TRPC5: variants seen among roughly 807,000 people sequenced by gnomAD.
TRPC5 encodes the protein short transient receptor potential channel 5.
TRPC5 carries 9 observed loss-of-function variants against 56.5 expected under a neutral mutation model. That is an observed-to-expected ratio of 0.16 (90% confidence interval 0.10 to 0.28). The LOEUF (loss-of-function observed/expected upper bound fraction) is 0.28, where lower values mean the gene tolerates loss of function less well. Among genes scored for constraint, TRPC5 ranks in the 10% least tolerant of loss-of-function variants. The pLI is 1.00. For missense variants in TRPC5, 469 were observed against 748.9 expected, an observed-to-expected ratio of 0.63 and a Z score of 4.36; for synonymous variants, 282 against 278.5, an observed-to-expected ratio of 1.01 and a Z score of -0.13.
intron 1 of TRPC5, among the ~76,000 whole-genome samples, chrX:111,996,278 A>G (rs1387814531): frequency 8.9e-6 from 1 of 111,755 alleles, no homozygotes; most frequent in Non-Finnish European, 1.9e-5. Context: ...TTCAGTTTCC[A>G]TGTAGTTGTG....
rs1352184248 is a variant in TRPC5 at position 112,040,968 on chromosome X, G to A, written c.-22+40911C>T. ...TGCTGCCACAGACAGAGTGTCTGGG[G>A]CTTAAGTCTTCAGGGGAAAGTCTTG... On this transcript the variant is annotated intron_variant, in intron 1 of 10. Transcript: ENST00000262839. 2.7e-5 allele frequency among the ~76,000 whole-genome samples: 3 copies of A among 112,361 alleles called. No homozygotes were observed. The East Asian group carries it at 8.4e-4, about 31-fold the overall frequency.
intron 3 of TRPC5, among the ~76,000 whole-genome samples, chrX:111,889,714 G>T (rs1464497066): frequency 9.0e-6 from 1 of 111,413 alleles, no homozygotes; most frequent in Non-Finnish European, 1.9e-5. Context: ...ATTTTTTTTA[G>T]GATATTAGGA....
chrX:112,018,261 G>C (rs1403083765), intron 1 of TRPC5, among the ~76,000 whole-genome samples: 1 of 112,405 alleles, frequency 8.9e-6, no homozygotes, highest in Non-Finnish European at 1.9e-5. Context: ...ATCTGACATA[G>C]TGCTAGCTAA....
At chrX:112,043,659 A>T (rs1602409133) in intron 1 of TRPC5, among the ~76,000 whole-genome samples, 2 of 109,804 alleles carry the variant, frequency 1.8e-5, no homozygotes, top group Non-Finnish European at 3.8e-5. Context: ...AAAAAAAAAA[A>T]AAAAGCTAGA....
At chrX:111,825,155 CT>C (rs1291736003) in intron 7 of TRPC5, among the ~76,000 whole-genome samples, 1 of 23,541 alleles carries the variant, frequency 4.2e-5, no homozygotes, top group Non-Finnish European at 1.2e-4. Context: ...TCCTTTCTTT[CT>C]TTCTTTCTTT....
At chrX:111,922,487 GA>G (rs1410376937) in intron 2 of TRPC5, among the ~76,000 whole-genome samples, 1 of 112,265 alleles carries the variant, frequency 8.9e-6, no homozygotes, top group African/African-American at 3.2e-5. Flanking sequence ...GGAACGTGTG[GA>G]AATGAAATTT....
At chrX:112,019,455 G>A (rs1276210583) in intron 1 of TRPC5, among the ~76,000 whole-genome samples, 1 of 108,570 alleles carries the variant, frequency 9.2e-6, no homozygotes, top group African/African-American at 3.3e-5. Flanking sequence ...TTTTTTTTTG[G>A]GATGGAATCT....
chrX:111,998,164 A>C (rs937398015), intron 1 of TRPC5, among the ~76,000 whole-genome samples: 2 of 111,731 alleles, frequency 1.8e-5, no homozygotes, highest in Non-Finnish European at 3.8e-5. Context: ...TGATGACCTC[A>C]GTTTGAAATG....
At chrX:111,949,415 GA>G (rs750284338) in intron 2 of TRPC5, among the ~76,000 whole-genome samples, 1 of 111,582 alleles carries the variant, frequency 9.0e-6, no homozygotes, top group South Asian at 3.7e-4. Flanking sequence ...CACAGAGTGG[GA>G]AAAAAATCTT....
At chrX:112,051,717 A>G (rs966085112) in intron 1 of TRPC5, among the ~76,000 whole-genome samples, 4 of 112,182 alleles carry the variant, frequency 3.6e-5, no homozygotes, top group East Asian at 5.6e-4. Context: ...TGGTTGTGCA[A>G]TCAGTCTCTA....
intron 2 of TRPC5, among the ~76,000 whole-genome samples, chrX:111,935,460 GC>G (rs1428431837): frequency 8.9e-6 from 1 of 111,772 alleles, no homozygotes; most frequent in African/African-American, 3.3e-5. Flanking sequence ...CTATGCAGAA[GC>G]TTTTTAATGT....
At chrX:111,802,509 C>T (rs1457663048) in intron 7 of TRPC5, among the ~76,000 whole-genome samples, 1 of 111,563 alleles carries the variant, frequency 9.0e-6, no homozygotes, top group African/African-American at 3.3e-5. Flanking sequence ...AAGATGACAC[C>T]TTCAATTACT....
intron 7 of TRPC5, among the ~76,000 whole-genome samples, chrX:111,825,185 TTC>T (rs781682886): frequency 1.6e-4 from 14 of 88,048 alleles, no homozygotes; most frequent in Admixed American, 2.6e-4. Context: ...CTTTCTTTCT[TTC>T]TTTCTTTCTT....
chrX:112,064,141 G>A (rs183896772), intron 1 of TRPC5, among the ~76,000 whole-genome samples: 520 of 111,947 alleles, frequency 4.6e-3, no homozygotes, highest in Non-Finnish European at 7.9e-3. Flanking sequence ...TGAAGTATTG[G>A]AAACTAGAGC....
intron 2 of TRPC5, among the ~76,000 whole-genome samples, chrX:111,921,108 A>G (rs1442513387): frequency 8.9e-6 from 1 of 111,794 alleles, no homozygotes; most frequent in East Asian, 2.8e-4. Context: ...TATGTTTCCA[A>G]TAGCCTGTAT....
intron 1 of TRPC5, among the ~76,000 whole-genome samples, chrX:111,968,735 A>G (rs1250431747): frequency 1.9e-5 from 2 of 102,613 alleles, no homozygotes; most frequent in Non-Finnish European, 3.9e-5. Flanking sequence ...ACAAAAAACC[A>G]AACACTGCAT....
chrX:111,845,008 C>T (rs1269129285), intron 6 of TRPC5, among the ~76,000 whole-genome samples: 3 of 109,567 alleles, frequency 2.7e-5, no homozygotes, highest in Admixed American at 9.8e-5. Context: ...GAGGCTGAGA[C>T]GGGTGGATCA....
chrX:111,843,575 C>G (rs1428932641), intron 6 of TRPC5, among the ~76,000 whole-genome samples: 2 of 111,219 alleles, frequency 1.8e-5, no homozygotes, highest in South Asian at 3.8e-4. Flanking sequence ...AGTTGGAGAA[C>G]AGCAAAATGT....
At chrX:111,968,019 C>G (rs1218707807) in intron 1 of TRPC5, among the ~76,000 whole-genome samples, 2 of 110,914 alleles carry the variant, frequency 1.8e-5, no homozygotes, top group Non-Finnish European at 3.8e-5. Context: ...AAGAAACCAC[C>G]ATCAGAGTGA....
Sources: allele counts gnomAD v4.1 joint callset (sites outside exome capture counted in the v4.1 genomes callset), GRCh38; gene constraint gnomAD v4.1.1; transcripts MANE v1.5; gene names NCBI Gene and HGNC (gene_info 2026-07-23, HGNC 2026-07-21).